The following ZNRF3 variants were observed in gnomAD, a reference collection of about 807,000 sequenced individuals.
The protein encoded by ZNRF3 is E3 ubiquitin-protein ligase ZNRF3.
ZNRF3 carries 23 observed loss-of-function variants against 72.5 expected under a neutral mutation model. That is an observed-to-expected ratio of 0.32 (90% CI 0.23 to 0.45). The LOEUF (loss-of-function observed/expected upper bound fraction) is 0.45. Ranked by LOEUF, ZNRF3 falls within the 20% of genes least tolerant of loss-of-function variation. The pLI, the probability that ZNRF3 is intolerant of heterozygous loss-of-function variation, is 1.00. For missense variants in ZNRF3, 1,169 were observed against 1,272.1 expected, an observed-to-expected ratio of 0.92 and a Z score of 1.23; for synonymous variants, 610 against 545.3, an observed-to-expected ratio of 1.12 and a Z score of -1.65.
chr22:28,966,097 C>T (rs1197998263), intron 1 of ZNRF3, among the ~76,000 whole-genome samples: 2 of 152,226 alleles, frequency 1.3e-5, no homozygotes, highest in African/African-American at 4.8e-5. Context: ...GATTTTCCCG[C>T]TGCATCTCCT....
At chr22:28,912,350 A>G (rs1484612209) in intron 1 of ZNRF3, among the ~76,000 whole-genome samples, 1 of 152,210 alleles carries the variant, frequency 6.6e-6, no homozygotes, top group Admixed American at 6.5e-5. Context: ...CCGGCTTCTC[A>G]TAGTATCAGC....
intron 1 of ZNRF3, among the ~76,000 whole-genome samples, chr22:28,978,266 C>T (rs1428224577): frequency 6.6e-6 from 1 of 152,194 alleles, no homozygotes; most frequent in African/African-American, 2.4e-5. Context: ...TGGAGCTTCT[C>T]AGAACAATCA....
At chr22:29,043,513 T>C (rs1314943779) in intron 4 of ZNRF3, 83 bp downstream of exon 4, 5 of 1,521,114 alleles carry the variant, frequency 3.3e-6, no homozygotes, top group Non-Finnish European at 4.5e-6. Context: ...CTTTCATTCC[T>C]ATCTCTGTCT....
chr22:28,980,821 G>A (rs2035751547), intron 1 of ZNRF3, among the ~76,000 whole-genome samples: 1 of 152,060 alleles, frequency 6.6e-6, no homozygotes, highest in Non-Finnish European at 1.5e-5. Flanking sequence ...TGGAGTCTTG[G>A]TTCCAGTCTA....
chr22:29,050,347 G>T lies in ZNRF3; in HGVS notation c.2166G>T (p.Gly722=). ...CCCEPQPSPA[G]PSAGAAGSST... ...GCGAGCCCCAGCCCTCCCCAGCCGG[G>T]CCTAGCGCCGGAGCAGCTGGCAGCA... is the stretch of plus-strand genomic sequence containing the variant. The change falls in exon 8 of 9, where the codon GGG becomes GGT. Residue 722 remains glycine (G), a synonymous_variant. Transcript: ENST00000544604. 3 of 1,602,608 alleles carry T rather than the reference G, an allele frequency of 1.9e-6. No homozygotes were observed. Among genetic ancestry groups the T allele is most frequent in the South Asian group, 1.1e-5 (1 of 90,772 alleles).
intron 1 of ZNRF3, among the ~76,000 whole-genome samples, chr22:28,966,867 CTTTTTTTTTTTT>C (rs530036984): frequency 7.0e-4 from 72 of 102,438 alleles, no homozygotes; most frequent in Admixed American, 3.2e-3. Context: ...TTTTAAAAAT[CTTTTTTTTTTTT>C]TTTTTTTTTT....
chr22:28,946,157 AC>A (rs1221926912), intron 1 of ZNRF3, among the ~76,000 whole-genome samples: 1 of 152,178 alleles, frequency 6.6e-6, no homozygotes, highest in Non-Finnish European at 1.5e-5. Flanking sequence ...GATAAGGGAC[AC>A]CCCAGCCTGT....
chr22:29,051,922 A>G (rs901892572), intron 8 of ZNRF3, among the ~76,000 whole-genome samples: 2 of 145,486 alleles, frequency 1.4e-5, no homozygotes, highest in African/African-American at 2.5e-5. Flanking sequence ...CCCTGTGCCC[A>G]CCCTGCCCCT....
intron 2 of ZNRF3, among the ~76,000 whole-genome samples, chr22:29,015,789 G>A (rs929561869): frequency 3.3e-5 from 5 of 151,896 alleles, no homozygotes; most frequent in African/African-American, 2.4e-5. Flanking sequence ...AGGCCGAGGC[G>A]GGTGGATCAC....
At chr22:28,945,380 T>C (rs1262777388) in intron 1 of ZNRF3, among the ~76,000 whole-genome samples, 1 of 151,756 alleles carries the variant, frequency 6.6e-6, no homozygotes, top group African/African-American at 2.4e-5. Flanking sequence ...TATTAAGCAA[T>C]GTGTCATATG....
chr22:28,951,812 C>T (rs574963625), intron 1 of ZNRF3, among the ~76,000 whole-genome samples: 33 of 152,290 alleles, frequency 2.2e-4, no homozygotes, highest in Middle Eastern at 3.4e-3. Context: ...TGACTGCTCA[C>T]GCTAATGAAG....
At chr22:29,006,379 A>G (rs1269117799) in intron 2 of ZNRF3, among the ~76,000 whole-genome samples, 1 of 151,824 alleles carries the variant, frequency 6.6e-6, no homozygotes, top group African/African-American at 2.4e-5. Flanking sequence ...ACGCCTGGCT[A>G]CTTTTGTATT....
Position 28,994,176 on chromosome 22 carries a change from C to CTTTTTTTTTTTTTTT in ZNRF3, c.426+6988_426+7002dup, listed in dbSNP as rs57329565. On this transcript the variant is annotated intron_variant, in intron 2 of 8. Transcript: ENST00000544604. Reference sequence around the variant, plus strand: ...TCCTTTATTGTCCTTCAGTTCCTTTCTTTTTTTTTTTTTTTTTTTTTTTTT... The same window carrying CTTTTTTTTTTTTTTT: ...TCCTTTATTGTCCTTCAGTTCCTTTCTTTTTTTTTTTTTTTTTTTTTTTTTTTTTTTTTTTTTTTT... Among the ~76,000 whole-genome samples, 322 of 39,806 alleles carry CTTTTTTTTTTTTTTT rather than the reference C, an allele frequency of 8.1e-3. 51 individuals are homozygous for CTTTTTTTTTTTTTTT. Among genetic ancestry groups the CTTTTTTTTTTTTTTT allele is most frequent in the African/African-American group, 0.013 (114 of 8,974 alleles). 26.1% of individuals were successfully genotyped at this position (39,806 alleles called of 152,430 possible).
chr22:29,013,456 C>T (rs2036379215), intron 2 of ZNRF3, among the ~76,000 whole-genome samples: 1 of 152,154 alleles, frequency 6.6e-6, no homozygotes, highest in African/African-American at 2.4e-5. Context: ...CAACATTGAT[C>T]CCTCTAAAAA....
intron 2 of ZNRF3, among the ~76,000 whole-genome samples, chr22:29,035,369 A>C (rs2123875562): frequency 6.6e-6 from 1 of 152,344 alleles, no homozygotes; most frequent in South Asian, 2.1e-4. Context: ...AACAGAGAAA[A>C]TATAGAAATC....
chr22:29,032,270 A>G (rs2036776842), intron 2 of ZNRF3, among the ~76,000 whole-genome samples: 1 of 152,148 alleles, frequency 6.6e-6, no homozygotes, highest in Non-Finnish European at 1.5e-5. Flanking sequence ...TTCTTTTGGT[A>G]AAGGTACTAA....
In ZNRF3 at chr22:28,939,957, G is replaced by A. The variant is rs183738383; in HGVS notation, c.301-47119G>A. On this transcript the variant is annotated intron_variant, in intron 1 of 8. Transcript: ENST00000544604. Reference sequence around the variant, plus strand: ...AAAGATTTTTAATGAATTATATCTTGATATATGAGTAGTCCTCATTATGAA... The same window carrying A: ...AAAGATTTTTAATGAATTATATCTTAATATATGAGTAGTCCTCATTATGAA... Among the ~76,000 whole-genome samples the A allele has an allele frequency of 1.8e-3, 274 of 152,256 alleles. 1 individual carries two copies. The highest frequency in any genetic ancestry group is 6.2e-3 in the African/African-American group (259 of 41,540).
In ZNRF3 at chr22:28,942,923, T is replaced by C. The variant is rs541471892; in HGVS notation, c.301-44153T>C. Among the ~76,000 whole-genome samples, 30 of 152,290 alleles carry C rather than the reference T, an allele frequency of 2.0e-4. 1 individual carries two copies. In the South Asian group the frequency reaches 5.8e-3, roughly 29 times the overall value. ...TTTTACCGAGACAGGATTGTATGCG[T>C]ACTAAGATGTCCTTAAAGCTGGTAC... On this transcript the variant is annotated intron_variant, in intron 1 of 8. Transcript: ENST00000544604.
At chr22:28,971,234 A>C (rs2035569688) in intron 1 of ZNRF3, among the ~76,000 whole-genome samples, 1 of 152,088 alleles carries the variant, frequency 6.6e-6, no homozygotes, top group Non-Finnish European at 1.5e-5. Flanking sequence ...GGATATGAAC[A>C]ATGACAGCAT....
Sources: allele counts gnomAD v4.1 joint callset (sites outside exome capture counted in the v4.1 genomes callset), GRCh38; gene constraint gnomAD v4.1.1; transcripts MANE v1.5; gene names NCBI Gene and HGNC (gene_info 2026-07-23, HGNC 2026-07-21).